The following KIFAP3 variants were observed in gnomAD, a reference collection of about 807,000 sequenced individuals.
KIFAP3 encodes the protein kinesin-associated protein 3.
KIFAP3 carries 68 observed loss-of-function variants against 106.5 expected under a neutral mutation model. The observed-to-expected ratio is 0.64, with a 90% CI of 0.53 to 0.78. The LOEUF is 0.78. KIFAP3 is among the 30% of genes least tolerant of loss of function. KIFAP3 has a pLI of 0.00. For missense variants in KIFAP3, 780 were observed against 941.8 expected (o/e 0.83, Z 2.25); for synonymous variants, 320 against 311.5 (o/e 1.03, Z -0.29).
At chr1:169,994,521 T>A (rs929209413) in intron 10 of KIFAP3, among the ~76,000 whole-genome samples, 4 of 152,188 alleles carry the variant, frequency 2.6e-5, no homozygotes, top group Non-Finnish European at 4.4e-5. Flanking sequence ...TTCTATTTCC[T>A]ACTGCTTACA....
chr1:169,950,171 A>G (rs1664655591), intron 19 of KIFAP3, among the ~76,000 whole-genome samples: 1 of 152,136 alleles, frequency 6.6e-6, no homozygotes, highest in African/African-American at 2.4e-5. Flanking sequence ...AAACAATTAA[A>G]AAAACCCTTG....
chr1:170,012,580 T>C (rs1050276132), intron 10 of KIFAP3, among the ~76,000 whole-genome samples: 5 of 152,174 alleles, frequency 3.3e-5, no homozygotes, highest in Non-Finnish European at 2.9e-5. Context: ...ACTGAATGTC[T>C]ATGTTCCCCC....
intron 11 of KIFAP3, among the ~76,000 whole-genome samples, chr1:169,986,082 G>A (rs1253849617): frequency 7.0e-6 from 1 of 141,898 alleles, no homozygotes; most frequent in African/African-American, 2.4e-5. Context: ...TTATCTCAGG[G>A]CAATACCTTT....
intron 11 of KIFAP3, among the ~76,000 whole-genome samples, chr1:169,985,172 G>A (rs1019994348): frequency 2.6e-5 from 4 of 151,862 alleles, no homozygotes; most frequent in East Asian, 1.9e-4. Context: ...TTTGGCCTTC[G>A]TGCTAAGAAG....
At chr1:169,991,091 C>A (rs1450215610) in intron 11 of KIFAP3, among the ~76,000 whole-genome samples, 1 of 151,956 alleles carries the variant, frequency 6.6e-6, no homozygotes, top group Non-Finnish European at 1.5e-5. Flanking sequence ...GCAATCCCAG[C>A]ACTTTGGGAG....
At chr1:170,017,117 T>A (rs1444327172) in intron 9 of KIFAP3, among the ~76,000 whole-genome samples, 1 of 151,966 alleles carries the variant, frequency 6.6e-6, no homozygotes, top group Non-Finnish European at 1.5e-5. Context: ...CTTAGCTGGC[T>A]GTGGTGGCAT....
At chr1:170,001,133 T>A (rs1409743781) in intron 10 of KIFAP3, among the ~76,000 whole-genome samples, 1 of 152,122 alleles carries the variant, frequency 6.6e-6, no homozygotes, top group Non-Finnish European at 1.5e-5. Context: ...CTTCAATTAT[T>A]TTATTATGTC....
chr1:170,024,888 C>A (rs1669029877), intron 8 of KIFAP3, among the ~76,000 whole-genome samples: 1 of 151,886 alleles, frequency 6.6e-6, no homozygotes, highest in Non-Finnish European at 1.5e-5. Context: ...CCTCTTGGAG[C>A]TTAGAGTTTA....
At chr1:169,974,308 T>C (rs1390850014) in intron 16 of KIFAP3, among the ~76,000 whole-genome samples, 1 of 151,992 alleles carries the variant, frequency 6.6e-6, no homozygotes, top group Non-Finnish European at 1.5e-5. Context: ...AGTCCACACA[T>C]TTCTACTAAG....
chr1:169,964,670 A>C (rs1222049575), intron 17 of KIFAP3, among the ~76,000 whole-genome samples: 4 of 152,146 alleles, frequency 2.6e-5, no homozygotes, highest in Non-Finnish European at 5.9e-5. Flanking sequence ...GAGGGAGTTG[A>C]AAAATAATAT....
intron 19 of KIFAP3, among the ~76,000 whole-genome samples, chr1:169,951,519 G>A (rs1325463941): frequency 2.6e-5 from 4 of 151,730 alleles, no homozygotes; most frequent in African/African-American, 9.7e-5. Context: ...TTTTCCCAAA[G>A]TCATGTAAAA....
intron 19 of KIFAP3, among the ~76,000 whole-genome samples, chr1:169,951,470 T>C (rs1014459814): frequency 2.0e-5 from 3 of 151,964 alleles, no homozygotes; most frequent in Non-Finnish European, 4.4e-5. Context: ...TACATATTTT[T>C]ACTTTTGAAA....
chr1:169,971,951 G>A (rs771148361), intron 17 of KIFAP3, among the ~76,000 whole-genome samples: 1 of 151,888 alleles, frequency 6.6e-6, no homozygotes, highest in Non-Finnish European at 1.5e-5. Flanking sequence ...CAATAAGTCT[G>A]CATGGTTCAC....
intron 10 of KIFAP3, among the ~76,000 whole-genome samples, chr1:170,008,903 T>C (rs1469585327): frequency 6.6e-6 from 1 of 151,878 alleles, no homozygotes; most frequent in Admixed American, 6.6e-5. Flanking sequence ...ATAAAGAAAA[T>C]GTGGTGCATA....
chr1:170,052,917 CT>C (rs1311384285), intron 2 of KIFAP3, among the ~76,000 whole-genome samples: 1 of 152,154 alleles, frequency 6.6e-6, no homozygotes, highest in African/African-American at 2.4e-5. Flanking sequence ...GAAGGATTCC[CT>C]TTGAAAACCA....
chr1:170,008,423 G>GA (rs1668079986), intron 10 of KIFAP3, among the ~76,000 whole-genome samples: 2 of 151,034 alleles, frequency 1.3e-5, no homozygotes, highest in African/African-American at 2.4e-5. Context: ...AAATTTACAA[G>GA]AAAAAAACAA....
chr1:170,029,585 AAACAACAACAAC>A (rs151182859), intron 8 of KIFAP3, among the ~76,000 whole-genome samples: 19 of 151,428 alleles, frequency 1.3e-4, no homozygotes, highest in African/African-American at 4.1e-4. Context: ...GCTTCCACTT[AAACAACAACAAC>A]AACAACAACA....
In KIFAP3 at chr1:170,051,291, C is replaced by T. The variant is rs146382848; in HGVS notation, c.164+4014G>A. 7.2e-3 allele frequency among the ~76,000 whole-genome samples: 1,088 copies of T among 152,094 alleles called. 17 individuals are homozygous for T. Among genetic ancestry groups the T allele is most frequent in the African/African-American group, 0.024 (997 of 41,470 alleles). ...TTCAATGCAACAAAAAGACCTAACT[C>T]TCCTAAATATATATGCACCCAATAC... is the stretch of plus-strand genomic sequence containing the variant. On this transcript the variant is annotated intron_variant, in intron 2 of 19. Transcript: ENST00000361580.
intron 3 of KIFAP3, among the ~76,000 whole-genome samples, chr1:170,043,360 A>G (rs1223365539): frequency 6.6e-6 from 1 of 152,188 alleles, no homozygotes; most frequent in Non-Finnish European, 1.5e-5. Context: ...GTGAGGAAAG[A>G]CTTAGCCTAA....
Sources: gnomAD v4.1 joint callset for allele counts (sites outside exome capture counted in the v4.1 genomes callset) on GRCh38, gnomAD v4.1.1 for gene constraint, MANE v1.5 for transcripts, NCBI Gene and HGNC (gene_info 2026-07-23, HGNC 2026-07-21) for gene names.